The following LMOD1 variants were observed in gnomAD, a reference collection of about 807,000 sequenced individuals.
LMOD1 encodes leiomodin-1.
In LMOD1, 8 loss-of-function variants were observed where a neutral mutation model predicts 36.5. The ratio of observed to expected loss-of-function variants is 0.22; its 90% CI spans 0.13 to 0.40. The LOEUF is 0.40. Ranked by LOEUF, LMOD1 falls within the 10% of genes least tolerant of loss-of-function variation. LMOD1 has a pLI of 1.00. For synonymous variants in LMOD1, 284 were observed against 288.7 expected, an observed-to-expected ratio of 0.98 and a Z score of 0.17; for missense variants, 630 against 751.1, an observed-to-expected ratio of 0.84 and a Z score of 1.88.
At chr1:201,919,037 C>T (rs1681654546) in intron 1 of LMOD1, among the ~76,000 whole-genome samples, 1 of 152,062 alleles carries the variant, frequency 6.6e-6, no homozygotes, top group African/African-American at 2.4e-5. Context: ...GGACTACAGG[C>T]ATGTGCCACC....
At chr1:201,931,176 A>G (rs1681911134) in intron 1 of LMOD1, among the ~76,000 whole-genome samples, 1 of 152,210 alleles carries the variant, frequency 6.6e-6, no homozygotes, top group South Asian at 2.1e-4. Context: ...GAGAGAAAAG[A>G]TTCTAAAAAG....
intron 1 of LMOD1, among the ~76,000 whole-genome samples, chr1:201,921,215 C>T (rs916877686): frequency 6.6e-6 from 1 of 151,766 alleles, no homozygotes; most frequent in African/African-American, 2.4e-5. Context: ...CTGGGCTGGG[C>T]GCAGTGGCTC....
At chr1:201,937,554 A>C (rs761455068) in intron 1 of LMOD1, among the ~76,000 whole-genome samples, 1 of 152,168 alleles carries the variant, frequency 6.6e-6, no homozygotes, top group African/African-American at 2.4e-5. Context: ...ATTTGAGCCC[A>C]GGAGTTCGAC....
chr1:201,900,458 G>C lies in LMOD1; in HGVS notation c.555C>G (p.Thr185=). Residue 185 remains threonine, a synonymous_variant, in exon 2 of 3, where the codon ACC becomes ACG. Coordinates refer to ENST00000367288, the MANE Select transcript of LMOD1 (RefSeq NM_012134.3). ...TCCCTTTCTTCTCCTCTTCCTTCTT[G>C]GTGGCCACTGCCCTCTCCTCTCCTC... ...DGRGEERAVA[T]KKEEEKKGSD... is the part of the protein sequence containing the mutation. The C allele has an allele frequency of 6.2e-7, 1 of 1,607,156 alleles. No homozygotes were observed.
intron 1 of LMOD1, among the ~76,000 whole-genome samples, chr1:201,912,612 A>G (rs1274381096): frequency 6.6e-6 from 1 of 152,198 alleles, no homozygotes; most frequent in Non-Finnish European, 1.5e-5. Context: ...TAATCCCAGC[A>G]CTTTGGGAGG....
chr1:201,933,587 T>C (rs1681964009), intron 1 of LMOD1, among the ~76,000 whole-genome samples: 1 of 111,666 alleles, frequency 9.0e-6, no homozygotes, highest in Admixed American at 1.0e-4. Flanking sequence ...TGTACACATA[T>C]ACATACATTA....
chr1:201,896,794 G>T lies in LMOD1; in HGVS notation c.*1578C>A, dbSNP rs3209800. 2.2e-6 allele frequency: 1 copy of T among 449,378 alleles called. No individual in the cohort carries two copies. The highest frequency in any genetic ancestry group is 4.5e-6 in the Non-Finnish European group (1 of 222,936). The allele number at this position is 449,378 out of a possible 1,614,324, so 27.8% of individuals were successfully genotyped here. On this transcript the variant is annotated 3_prime_UTR_variant, in exon 3 of 3. Coordinates refer to ENST00000367288, the MANE Select transcript of LMOD1 (RefSeq NM_012134.3). Reference sequence around the variant, plus strand: ...GCAAGTGGGTGGAGGGAATGGAGAAGAGTGTACCCTGGGATCTGAGGGCTT... The same window carrying T: ...GCAAGTGGGTGGAGGGAATGGAGAATAGTGTACCCTGGGATCTGAGGGCTT...
At chr1:201,924,599 A>C (rs921789262) in intron 1 of LMOD1, among the ~76,000 whole-genome samples, 1 of 148,858 alleles carries the variant, frequency 6.7e-6, no homozygotes, top group South Asian at 2.2e-4. Flanking sequence ...GAGGGAGGGA[A>C]GGAAGGAAGG....
intron 1 of LMOD1, among the ~76,000 whole-genome samples, chr1:201,939,194 C>T (rs897382989): frequency 2.7e-5 from 4 of 150,876 alleles, no homozygotes; most frequent in African/African-American, 7.3e-5. Flanking sequence ...GGCAGATATA[C>T]AGGTACAAAC....
intron 1 of LMOD1, among the ~76,000 whole-genome samples, chr1:201,920,677 C>T (rs1178437619): frequency 6.6e-6 from 1 of 152,118 alleles, no homozygotes; most frequent in Non-Finnish European, 1.5e-5. Context: ...GATGTCAAGC[C>T]ATTAAATCAA....
chr1:201,939,760 CTGTGTG>C (rs56135181), intron 1 of LMOD1, among the ~76,000 whole-genome samples: 13 of 149,160 alleles, frequency 8.7e-5, no homozygotes, highest in Admixed American at 2.0e-4. Context: ...TCTGCTCCTG[CTGTGTG>C]TGTGTGTGTG....
chr1:201,920,551 G>T lies in LMOD1; in HGVS notation c.262-19800C>A, dbSNP rs187190734. Among the ~76,000 whole-genome samples the T allele has an allele frequency of 2.2e-3, 328 of 152,292 alleles. 6 individuals carry two copies. Among genetic ancestry groups the T allele is most frequent in the Non-Finnish European group, 1.1e-3 (78 of 68,020 alleles). Reference sequence around the variant, plus strand: ...GGAAGTCAATCATAGTTGAGAAATAGCTGAGGAGTAAGCTGAGTCTTTAAG... The same window carrying T: ...GGAAGTCAATCATAGTTGAGAAATATCTGAGGAGTAAGCTGAGTCTTTAAG... On this transcript the variant is annotated intron_variant, in intron 1 of 2. Transcript: ENST00000367288.
At position 201,899,965 on chromosome 1, in the gene LMOD1, G is replaced by T. The variant is rs763440069; in HGVS notation, c.1048C>A (p.Arg350=). The change falls in exon 2 of 3, where the codon CGG becomes AGG. Residue 350 remains arginine, a synonymous_variant. Coordinates refer to ENST00000367288, the MANE Select transcript of LMOD1 (RefSeq NM_012134.3). This position sits in a 1 kb window ranked among gnomAD's most constrained non-coding sequence, Gnocchi z 6.3. ...SDCITNEILV[R]FTEALEFNTV... Reference sequence around the variant, plus strand: ...TTGAACTCCAGAGCCTCAGTAAACCGGACCAAGATCTCATTTGTGATGCAG... The same window carrying T: ...TTGAACTCCAGAGCCTCAGTAAACCTGACCAAGATCTCATTTGTGATGCAG... 1.9e-6 allele frequency: 3 copies of T among 1,613,906 alleles called. No individual in the cohort carries two copies. Among genetic ancestry groups the T allele is most frequent in the Non-Finnish European group, 2.5e-6 (3 of 1,179,872 alleles).
intron 1 of LMOD1, among the ~76,000 whole-genome samples, chr1:201,901,662 ATATATATAT>A (rs1558234916): frequency 1.0e-5 from 1 of 100,080 alleles, no homozygotes; most frequent in Non-Finnish European, 2.0e-5. Context: ...ATATATGTGT[ATATATATAT>A]ATACACATAT....
At chr1:201,932,268 T>G (rs1033593641) in intron 1 of LMOD1, among the ~76,000 whole-genome samples, 44 of 152,178 alleles carry the variant, frequency 2.9e-4, no homozygotes, top group Non-Finnish European at 6.3e-4. Flanking sequence ...AGGCTAGGAA[T>G]GAGAAGAGGC....
intron 1 of LMOD1, among the ~76,000 whole-genome samples, chr1:201,912,293 G>A (rs1018234708): frequency 3.9e-5 from 6 of 152,032 alleles, no homozygotes; most frequent in African/African-American, 1.5e-4. Flanking sequence ...TTTTTACCCG[G>A]CCTCACTCTA....
chr1:201,919,995 A>G (rs529809504), intron 1 of LMOD1, among the ~76,000 whole-genome samples: 5 of 150,442 alleles, frequency 3.3e-5, no homozygotes, highest in Admixed American at 1.3e-4. Flanking sequence ...CAAAGAGTAG[A>G]AGGAATATAT....
intron 1 of LMOD1, among the ~76,000 whole-genome samples, chr1:201,915,966 C>T (rs1681603612): frequency 6.6e-6 from 1 of 152,018 alleles, no homozygotes; most frequent in Non-Finnish European, 1.5e-5. Flanking sequence ...CTCCTCTGGG[C>T]TGCAGTGCAG....
Position 201,904,216 on chromosome 1 carries a change from C to CT in LMOD1, c.262-3466dup, listed in dbSNP as rs1417067903. ...TTTCTTTCTTTCCTTTTCTTTTCTT[C>CT]TTTTTTTCTTTGAGATGGAATTTCA... On this transcript the variant is annotated intron_variant, in intron 1 of 2. Transcript: ENST00000367288. Among the ~76,000 whole-genome samples the CT allele has an allele frequency of 5.9e-5, 9 of 152,122 alleles. No homozygotes were observed. The East Asian group carries it at 1.7e-3, about 29-fold the overall frequency.
Sources: gnomAD v4.1 joint callset for allele counts (sites outside exome capture counted in the v4.1 genomes callset) on GRCh38, gnomAD v4.1.1 for gene constraint, Gnocchi (gnomAD v3.1) non-coding constraint, MANE v1.5 for transcripts, NCBI Gene and HGNC (gene_info 2026-07-23, HGNC 2026-07-21) for gene names.